The following PMS1 variants were observed in gnomAD, a reference collection of about 807,000 sequenced individuals.
PMS1 encodes the protein PMS1 homolog 1, mismatch repair system component.
Under a neutral mutation model 93.1 loss-of-function variants are expected in PMS1, and 79 were observed. The ratio of observed to expected loss-of-function variants is 0.85; its 90% CI spans 0.71 to 1.02. PMS1 has a LOEUF of 1.02. Ranked by LOEUF, PMS1 falls within the 50% of genes least tolerant of loss-of-function variation. The pLI, the probability that PMS1 is intolerant of heterozygous loss-of-function variation, is 0.00. For missense variants in PMS1, 1,064 were observed against 1,085.3 expected (o/e 0.98, Z 0.28); for synonymous variants, 335 against 363.4 (o/e 0.92, Z 0.89).
chr2:189,820,011 TC>T (rs1384051948), intron 5 of PMS1, among the ~76,000 whole-genome samples: 1 of 152,236 alleles, frequency 6.6e-6, no homozygotes, highest in Admixed American at 6.5e-5. Flanking sequence ...CACATGGGTA[TC>T]CTGCAGGAAA....
intron 4 of PMS1, 35 bp from the exon 5 acceptor site, chr2:189,817,982 A>G: frequency 1.3e-6 from 2 of 1,538,030 alleles, no homozygotes; most frequent in Middle Eastern, 3.5e-4. Flanking sequence ...CGTTCCTTCC[A>G]AATCTAAATG....
chr2:189,797,342 A>T (rs1410462618), intron 3 of PMS1, among the ~76,000 whole-genome samples: 1 of 152,158 alleles, frequency 6.6e-6, no homozygotes, highest in Non-Finnish European at 1.5e-5. Context: ...TGGCACATTC[A>T]CTTGCATAGT....
At chr2:189,792,638 T>C (rs1017366870) in intron 2 of PMS1, among the ~76,000 whole-genome samples, 2 of 148,316 alleles carry the variant, frequency 1.3e-5, no homozygotes, top group African/African-American at 2.5e-5. Flanking sequence ...CTTTTTCTTA[T>C]CTACCAGATA....
At chr2:189,809,594 C>G (rs575030723) in intron 4 of PMS1, among the ~76,000 whole-genome samples, 1 of 151,716 alleles carries the variant, frequency 6.6e-6, no homozygotes, top group African/African-American at 2.4e-5. Context: ...GCCTGTAATC[C>G]CAGCACTTTA....
chr2:189,854,607 A>G lies in PMS1; in HGVS notation c.1335A>G (p.Ser445=). 6.2e-7 allele frequency: 1 copy of G among 1,613,928 alleles called. No homozygotes were observed. The highest frequency in any genetic ancestry group is 8.5e-7 in the Non-Finnish European group (1 of 1,179,868). Residue 445 remains serine (S), a synonymous_variant, in exon 9 of 13, where the codon TCA becomes TCG. Transcript: ENST00000441310. ...AGGACATTTCAATGAGTAATGTATC[A>G]TGGGAGAACTCTCAGACGGAATATA... ...AFQDISMSNV[S]WENSQTEYSK...
rs972672920 is a variant in PMS1 at position 189,809,447 on chromosome 2, C to CTTTTTTTTTTTTTTTTTTTTT, written c.418+3700_418+3720dup. ...TTGGTGCTTTTAAGGAAGCACATTTCTTTTTTTTTTTTTTTTTTTTTTTTT... is the reference window on the plus strand; with the variant it reads ...TTGGTGCTTTTAAGGAAGCACATTTCTTTTTTTTTTTTTTTTTTTTTTTTTTTTTTTTTTTTTTTTTTTTTT... On this transcript the variant is annotated intron_variant, in intron 4 of 12. Transcript: ENST00000441310. 3.2e-4 allele frequency among the ~76,000 whole-genome samples: 20 copies of CTTTTTTTTTTTTTTTTTTTTT among 63,456 alleles called. 3 individuals carry two copies. Among genetic ancestry groups the CTTTTTTTTTTTTTTTTTTTTT allele is most frequent in the African/African-American group, 5.5e-4 (10 of 18,120 alleles). 41.6% of individuals were successfully genotyped at this position (63,456 alleles called of 152,430 possible).
At chr2:189,873,718 G>C (rs1436514650) in intron 12 of PMS1, 62 bp downstream of exon 12, 2 of 1,256,336 alleles carry the variant, frequency 1.6e-6, no homozygotes, top group Non-Finnish European at 2.3e-6. Context: ...GGCCAAGCCG[G>C]TTAGGAACCA....
At chr2:189,867,358 T>A (rs2056754669) in intron 10 of PMS1, among the ~76,000 whole-genome samples, 1 of 152,214 alleles carries the variant, frequency 6.6e-6, no homozygotes, top group Non-Finnish European at 1.5e-5. Flanking sequence ...AAGCTCTAAA[T>A]TGATTAATTT....
At chr2:189,810,585 C>T (rs967716518) in intron 4 of PMS1, among the ~76,000 whole-genome samples, 7 of 152,202 alleles carry the variant, frequency 4.6e-5, no homozygotes, top group Admixed American at 2.6e-4. Flanking sequence ...CCAACCCCCA[C>T]ACTGAATCTC....
In PMS1 at chr2:189,877,488, A is replaced by C; in HGVS notation, c.*52A>C. On this transcript the variant is annotated 3_prime_UTR_variant, in exon 13 of 13. Transcript: ENST00000441310. Reference sequence around the variant, plus strand: ...CCATTGAAATTGGTTCTGTCATAAAACAGCATGAGTCTGGTTTTAAATTAT... The same window carrying C: ...CCATTGAAATTGGTTCTGTCATAAACCAGCATGAGTCTGGTTTTAAATTAT... 8.2e-7 allele frequency: 1 copy of C among 1,216,900 alleles called. No homozygotes were observed. Among genetic ancestry groups the C allele is most frequent in the Non-Finnish European group, 1.2e-6 (1 of 824,468 alleles). 75.4% of individuals were successfully genotyped at this position (1,216,900 alleles called of 1,614,324 possible). A position where few individuals can be genotyped will look rare whatever the true frequency, so the allele number is the denominator to read the frequency against.
At position 189,805,664 on chromosome 2, in the gene PMS1, A is replaced by G. The variant is rs2050271330; in HGVS notation, c.328A>G (p.Thr110Ala). The G allele has an allele frequency of 1.9e-6, 3 of 1,613,668 alleles. No individual in the cohort carries two copies. Among genetic ancestry groups the G allele is most frequent in the African/African-American group, 1.3e-5 (1 of 74,914 alleles). ...TTTTTTCCCCCAGGTTTTAATTACA[A>G]CAAGAACGGCTGCTGATAATTTTAG... ...ICCIAEVLITTRTAADNFSTQ... is the reference protein window; with the variant it reads ...ICCIAEVLITARTAADNFSTQ... Residue 110 changes from threonine (T) to alanine (A), a missense_variant, in exon 4 of 13, where the codon ACA becomes GCA. Physicochemically the swap from Thr to Ala is moderately conservative, Grantham distance 58. Coordinates refer to ENST00000441310, the MANE Select transcript of PMS1 (RefSeq NM_000534.5).
rs1291342248 is a variant in PMS1 at position 189,805,883 on chromosome 2, C to T, written c.418+129C>T. On this transcript the variant is annotated intron_variant, in intron 4 of 12. Transcript: ENST00000441310. Reference sequence around the variant, plus strand: ...CTTGGTCCTGATAAAGGCTAGTTAACTTCCAAGTAAACATTCAGCCTTTAT... The same window carrying T: ...CTTGGTCCTGATAAAGGCTAGTTAATTTCCAAGTAAACATTCAGCCTTTAT... 3 of 1,542,296 alleles carry T rather than the reference C, an allele frequency of 1.9e-6. No homozygotes were observed. The Admixed American group carries it at 6.2e-5, about 32-fold the overall frequency.
intron 9 of PMS1, among the ~76,000 whole-genome samples, chr2:189,858,443 T>C (rs2055587904): frequency 6.6e-6 from 1 of 152,322 alleles, no homozygotes; most frequent in East Asian, 1.9e-4. Context: ...TCAGGATTAA[T>C]ATTTTCCATT....
At chr2:189,873,400 G>A (rs2057312541) in intron 11 of PMS1, 96 bp from the exon 12 acceptor site, 12 of 776,652 alleles carry the variant, frequency 1.5e-5, no homozygotes, top group Non-Finnish European at 1.8e-5. Flanking sequence ...AAATTTGAAT[G>A]AGGGTTCACT....
intron 6 of PMS1, among the ~76,000 whole-genome samples, chr2:189,849,347 A>G (rs1404638403): frequency 1.3e-5 from 2 of 152,298 alleles, no homozygotes; most frequent in South Asian, 4.1e-4. Flanking sequence ...TCTCAAAACT[A>G]TATATTTTGT....
rs760059706 is a variant in PMS1, at chr2:189,795,972, AT to A, written c.315+25del. The A allele has an allele frequency of 4.1e-6, 6 of 1,471,410 alleles. No homozygotes were observed. The African/African-American group carries it at 8.3e-5, about 20-fold the overall frequency. The allele number at this position is 1,471,410 out of a possible 1,614,324, so 91.1% of individuals were successfully genotyped here. A position where few individuals can be genotyped will look rare whatever the true frequency, so the allele number is the denominator to read the frequency against. Reference sequence around the variant, plus strand: ...CTGAGGTAAGGTAATTATATTGGTTATTTTAGTGATTTCATATTCACTGAAC... The same window carrying A: ...CTGAGGTAAGGTAATTATATTGGTTATTTAGTGATTTCATATTCACTGAAC... On this transcript the variant is annotated intron_variant, in intron 3 of 12. Coordinates refer to ENST00000441310, the MANE Select transcript of PMS1 (RefSeq NM_000534.5).
At chr2:189,828,866 A>G (rs2052671647) in intron 5 of PMS1, among the ~76,000 whole-genome samples, 1 of 149,672 alleles carries the variant, frequency 6.7e-6, no homozygotes, top group Non-Finnish European at 1.5e-5. Context: ...ACTGTGAGAA[A>G]GCAGCTCAAA....
At chr2:189,841,367 A>C (rs2053807503) in intron 5 of PMS1, among the ~76,000 whole-genome samples, 1 of 152,192 alleles carries the variant, frequency 6.6e-6, no homozygotes, top group Non-Finnish European at 1.5e-5. Context: ...TTCCTGTTAA[A>C]CTAAATGTTG....
At chr2:189,853,901 A>G (rs1353211539) in intron 7 of PMS1, 38 bp from the exon 8 acceptor site, 7 of 1,275,740 alleles carry the variant, frequency 5.5e-6, no homozygotes, top group East Asian at 2.5e-5. Flanking sequence ...TTTTAATTAC[A>G]TATTATTTTT....
Sources: allele counts gnomAD v4.1 joint callset (sites outside exome capture counted in the v4.1 genomes callset), GRCh38; gene constraint gnomAD v4.1.1; transcripts MANE v1.5; gene names NCBI Gene and HGNC (gene_info 2026-07-23, HGNC 2026-07-21).